Variants in SYNDIG1L observed in about 807,000 individuals in gnomAD.
SYNDIG1L encodes the protein synapse differentiation inducing 1 like.
Under a neutral mutation model 20.1 loss-of-function variants are expected in SYNDIG1L, and 13 were observed. The observed-to-expected ratio is 0.65, with a 90% CI of 0.42 to 1.03. The LOEUF (loss-of-function observed/expected upper bound fraction) is 1.03, where lower values mean the gene tolerates loss of function less well. SYNDIG1L is among the 50% of genes least tolerant of loss of function. The pLI, the probability that SYNDIG1L is intolerant of heterozygous loss-of-function variation, is 0.00. For missense variants in SYNDIG1L, 294 were observed against 305.1 expected, an observed-to-expected ratio of 0.96 and a Z score of 0.27; for synonymous variants, 128 against 129.3, an observed-to-expected ratio of 0.99 and a Z score of 0.07.
At chr14:74,451,984 T>TAA in the SYNDIG1L span, among the ~76,000 whole-genome samples, 90 of 65,236 alleles carry the variant, frequency 1.4e-3, no homozygotes, top group Middle Eastern at 0.027. Context: ...AGACTTTGTC[T>TAA]AAAAAAAAAA....
chr14:74,426,948 T>C (rs12586843), upstream of SYNDIG1L, among the ~76,000 whole-genome samples: 12,009 of 151,792 alleles, frequency 0.079, 785 homozygotes, highest in African/African-American at 0.17. Context: ...TGAGGGGTCA[T>C]ATGAGGACAA....
At chr14:74,435,526 A>G in the SYNDIG1L span, among the ~76,000 whole-genome samples, 12 of 152,240 alleles carry the variant, frequency 7.9e-5, no homozygotes, top group African/African-American at 2.7e-4. Context: ...TTCCTTACCC[A>G]GTAGAATGAT....
chr14:74,478,366 T>A, the SYNDIG1L span, among the ~76,000 whole-genome samples: 2 of 152,240 alleles, frequency 1.3e-5, no homozygotes, highest in Admixed American at 6.5e-5. Flanking sequence ...TTGTTTCAAA[T>A]TTGAAGAATA....
At chr14:74,463,685 T>C in the SYNDIG1L span, among the ~76,000 whole-genome samples, 4 of 152,112 alleles carry the variant, frequency 2.6e-5, no homozygotes, top group Admixed American at 2.6e-4. Flanking sequence ...GTGATTTGAT[T>C]ATGGTTTTCA....
At chr14:74,431,621 C>T in the SYNDIG1L span, among the ~76,000 whole-genome samples, 1 of 152,106 alleles carries the variant, frequency 6.6e-6, no homozygotes, top group East Asian at 1.9e-4. Context: ...GAAGCCGGGT[C>T]TGTGTGATGC....
chr14:74,458,332 A>C, the SYNDIG1L span, among the ~76,000 whole-genome samples: 1 of 152,058 alleles, frequency 6.6e-6, no homozygotes, highest in East Asian at 1.9e-4. Context: ...GCGGAGGCTC[A>C]CACCTATAAT....
chr14:74,464,593 G>A, the SYNDIG1L span, among the ~76,000 whole-genome samples: 1 of 152,070 alleles, frequency 6.6e-6, no homozygotes, highest in African/African-American at 2.4e-5. Flanking sequence ...AGAAAACTCC[G>A]GCTTTCTGGA....
the SYNDIG1L span, among the ~76,000 whole-genome samples, chr14:74,468,904 C>T: frequency 6.6e-6 from 1 of 152,206 alleles, no homozygotes; most frequent in Non-Finnish European, 1.5e-5. Flanking sequence ...AGGAACCCTT[C>T]CCCAAATAAC....
chr14:74,412,351 G>C lies in SYNDIG1L; in HGVS notation c.-57-2550C>G, dbSNP rs560478961. On this transcript the variant is annotated intron_variant, in intron 1 of 3. Transcript: ENST00000331628. ...CAGTGGATGTGACCGTAGGTGTGGG[G>C]TTGAGGGCATGTGAGCTCTGTAAGC... 3.3e-5 allele frequency among the ~76,000 whole-genome samples: 5 copies of C among 152,326 alleles called. No homozygotes were observed. In the East Asian group the frequency reaches 9.7e-4, roughly 29 times the overall value.
chr14:74,467,662 G>A, the SYNDIG1L span, among the ~76,000 whole-genome samples: 717 of 152,324 alleles, frequency 4.7e-3, 7 homozygotes, highest in African/African-American at 0.015. Context: ...TTTCCAATAA[G>A]AGAAAGTGAA....
chr14:74,431,121 A>T (rs1177411390), upstream of SYNDIG1L, among the ~76,000 whole-genome samples: 1 of 152,148 alleles, frequency 6.6e-6, no homozygotes, highest in Non-Finnish European at 1.5e-5. Flanking sequence ...CTGAACTGGG[A>T]CAATGCAGAG....
chr14:74,477,792 C>T, the SYNDIG1L span, among the ~76,000 whole-genome samples: 1 of 152,168 alleles, frequency 6.6e-6, no homozygotes, highest in African/African-American at 2.4e-5. Flanking sequence ...AGAGCTGAGC[C>T]TCCAAAACCT....
At chr14:74,411,843 C>G (rs1286485000) in intron 1 of SYNDIG1L, among the ~76,000 whole-genome samples, 1 of 152,202 alleles carries the variant, frequency 6.6e-6, no homozygotes, top group Non-Finnish European at 1.5e-5. Context: ...CCAAGAACAT[C>G]TAACAAATAA....
intron 1 of SYNDIG1L, among the ~76,000 whole-genome samples, chr14:74,421,879 G>T (rs1172853213): frequency 6.6e-6 from 1 of 152,150 alleles, no homozygotes; most frequent in Non-Finnish European, 1.5e-5. Context: ...TGTCTTCCAG[G>T]GAGAATCAAT....
At chr14:74,432,185 G>T in the SYNDIG1L span, among the ~76,000 whole-genome samples, 4 of 151,378 alleles carry the variant, frequency 2.6e-5, no homozygotes, top group South Asian at 8.4e-4. Context: ...GTGTGTGAGA[G>T]AGAGAGAGAG....
chr14:74,425,165 G>C (rs1039608145), intron 1 of SYNDIG1L, among the ~76,000 whole-genome samples: 1 of 152,078 alleles, frequency 6.6e-6, no homozygotes, highest in Non-Finnish European at 1.5e-5. Context: ...GCCTGAATGA[G>C]CTCATTCAGC....
At chr14:74,473,138 T>C in the SYNDIG1L span, among the ~76,000 whole-genome samples, 1 of 152,092 alleles carries the variant, frequency 6.6e-6, no homozygotes, top group Non-Finnish European at 1.5e-5. Flanking sequence ...TCTCAGCACT[T>C]TGGGAGCCCG....
chr14:74,440,516 TAAAAAA>T, the SYNDIG1L span, among the ~76,000 whole-genome samples: 1 of 97,242 alleles, frequency 1.0e-5, no homozygotes, highest in Non-Finnish European at 1.9e-5. Flanking sequence ...CTCCGTCTCA[TAAAAAA>T]AAAAAAAAAA....
At chr14:74,421,133 C>A (rs1039159597) in intron 1 of SYNDIG1L, among the ~76,000 whole-genome samples, 1 of 152,000 alleles carries the variant, frequency 6.6e-6, no homozygotes, top group Admixed American at 6.6e-5. Context: ...GAATTCATAT[C>A]CTCAGGCAGA....
Sources: allele counts gnomAD v4.1 joint callset (sites outside exome capture counted in the v4.1 genomes callset), GRCh38; gene constraint gnomAD v4.1.1; transcripts MANE v1.5; gene names NCBI Gene and HGNC (gene_info 2026-07-23, HGNC 2026-07-21).